CDH13: variants seen among roughly 807,000 people sequenced by gnomAD.
CDH13 encodes the protein cadherin-13.
Under a neutral mutation model 63.8 loss-of-function variants are expected in CDH13, and 24 were observed. The ratio of observed to expected loss-of-function variants is 0.38; its 90% CI spans 0.27 to 0.53. The LOEUF (loss-of-function observed/expected upper bound fraction) is 0.53. CDH13 is among the 20% of genes least tolerant of loss of function. The probability of loss-of-function intolerance (pLI) is 0.85; values close to 1 mark genes in which losing one functional copy is unlikely to be tolerated. For synonymous variants in CDH13, 503 were observed against 355.3 expected (o/e 1.42, Z -4.67); for missense variants, 1,049 against 903.1 (o/e 1.16, Z -2.07).
chr16:83,520,894 A>G (rs577048166), intron 7 of CDH13, among the ~76,000 whole-genome samples: 4 of 152,296 alleles, frequency 2.6e-5, no homozygotes, highest in African/African-American at 7.2e-5. Context: ...TTATTTAAAA[A>G]TCCTTTGAAG....
chr16:82,934,557 G>A (rs1893790090), intron 2 of CDH13, among the ~76,000 whole-genome samples: 1 of 152,176 alleles, frequency 6.6e-6, no homozygotes, highest in Non-Finnish European at 1.5e-5. Context: ...TCTGCAGCAG[G>A]CTTGAATTTC....
rs374046378 is a variant in CDH13 at position 82,743,371 on chromosome 16, G to A, written c.46-114991G>A. On this transcript the variant is annotated intron_variant, in intron 1 of 13. Coordinates refer to ENST00000567109, the MANE Select transcript of CDH13 (RefSeq NM_001257.5). ...GCCTTTTAGGTAGTGGGGCCTACAG[G>A]CGCAGACCACGGCACCTGGCTAATT... is the stretch of plus-strand genomic sequence containing the variant. 3.3e-5 allele frequency among the ~76,000 whole-genome samples: 5 copies of A among 152,214 alleles called. No homozygotes were observed. The East Asian group carries it at 5.8e-4, about 18-fold the overall frequency.
chr16:83,162,285 C>T (rs1455772597), intron 4 of CDH13, among the ~76,000 whole-genome samples: 2 of 152,070 alleles, frequency 1.3e-5, no homozygotes, highest in South Asian at 2.1e-4. Flanking sequence ...AGCATCTTGT[C>T]GTCATCATTG....
intron 8 of CDH13, among the ~76,000 whole-genome samples, chr16:83,652,777 G>C (rs541660540): frequency 6.6e-6 from 1 of 152,274 alleles, no homozygotes; most frequent in African/African-American, 2.4e-5. Flanking sequence ...GTCCCCATAT[G>C]ACCCAGCAGC....
intron 6 of CDH13, among the ~76,000 whole-genome samples, chr16:83,436,596 C>T (rs907846585): frequency 5.3e-5 from 8 of 152,210 alleles, no homozygotes; most frequent in African/African-American, 1.9e-4. Flanking sequence ...ATCTGTTAGC[C>T]TTCCCTGAAC....
intron 5 of CDH13, among the ~76,000 whole-genome samples, chr16:83,294,811 T>G (rs986491770): frequency 6.6e-6 from 1 of 152,104 alleles, no homozygotes; most frequent in Non-Finnish European, 1.5e-5. Context: ...CTACCCAAAA[T>G]GATCCACAGA....
intron 7 of CDH13, among the ~76,000 whole-genome samples, chr16:83,516,599 TATC>T (rs1282724106): frequency 1.3e-5 from 2 of 152,186 alleles, no homozygotes; most frequent in East Asian, 1.9e-4. Context: ...AGAGCTCCCT[TATC>T]ATGTTGAGGA....
intron 1 of CDH13, among the ~76,000 whole-genome samples, chr16:82,687,027 C>T (rs373631409): frequency 1.7e-4 from 26 of 152,284 alleles, no homozygotes; most frequent in Admixed American, 1.0e-3. Flanking sequence ...TCTCTCCCTT[C>T]GTAGATGTAG....
chr16:83,501,263 A>G (rs1269685752), intron 7 of CDH13, among the ~76,000 whole-genome samples: 4 of 152,240 alleles, frequency 2.6e-5, no homozygotes, highest in Non-Finnish European at 4.4e-5. Flanking sequence ...TGACCATTGA[A>G]ATTCAGTGAA....
intron 6 of CDH13, among the ~76,000 whole-genome samples, chr16:83,428,888 A>T (rs985376407): frequency 6.6e-6 from 1 of 152,222 alleles, no homozygotes; most frequent in African/African-American, 2.4e-5. Context: ...TTATTTGTTA[A>T]AATAACTGTT....
chr16:83,191,823 C>T (rs1359802633), intron 4 of CDH13, among the ~76,000 whole-genome samples: 2 of 151,784 alleles, frequency 1.3e-5, no homozygotes, highest in Non-Finnish European at 2.9e-5. Context: ...TAGATGATGC[C>T]CACCCAGATT....
intron 11 of CDH13, among the ~76,000 whole-genome samples, chr16:83,756,086 T>A (rs932929372): frequency 6.6e-5 from 10 of 152,178 alleles, no homozygotes; most frequent in African/African-American, 2.4e-4. Flanking sequence ...CTATATTGTA[T>A]AACCCTTAGG....
intron 1 of CDH13, among the ~76,000 whole-genome samples, chr16:82,679,947 A>G (rs1914362734): frequency 6.6e-6 from 1 of 152,218 alleles, no homozygotes; most frequent in Non-Finnish European, 1.5e-5. Flanking sequence ...CCTTCAGTAT[A>G]TCGTGATCTT....
At chr16:83,449,981 G>A (rs956276692) in intron 6 of CDH13, among the ~76,000 whole-genome samples, 4 of 152,148 alleles carry the variant, frequency 2.6e-5, no homozygotes. Flanking sequence ...ACCGGTCTTC[G>A]CTAGCAGGGC....
intron 5 of CDH13, among the ~76,000 whole-genome samples, chr16:83,302,349 A>C (rs986013782): frequency 6.6e-5 from 10 of 152,218 alleles, no homozygotes; most frequent in African/African-American, 2.4e-4. Context: ...ATTCCATGGC[A>C]ATCAAATCAT....
chr16:82,926,308 G>C (rs1009789941), intron 2 of CDH13, among the ~76,000 whole-genome samples: 1 of 151,786 alleles, frequency 6.6e-6, no homozygotes, highest in African/African-American at 2.4e-5. Context: ...AAAAAAAAAG[G>C]CCAGAAGACC....
chr16:82,973,117 T>C lies in CDH13; in HGVS notation c.158-58893T>C, dbSNP rs1412556162. 4.6e-5 allele frequency among the ~76,000 whole-genome samples: 7 copies of C among 152,240 alleles called. No individual in the cohort carries two copies. The East Asian group carries it at 9.6e-4, about 21-fold the overall frequency. On this transcript the variant is annotated intron_variant, in intron 2 of 13. Transcript: ENST00000567109. ...CTGCCACTCTTCTGGATTGGATTTA[T>C]TTAGAACAATTAAATGCTGTCTTAC...
At chr16:83,116,722 C>A (rs1225563010) in intron 3 of CDH13, among the ~76,000 whole-genome samples, 1 of 152,194 alleles carries the variant, frequency 6.6e-6, no homozygotes, top group African/African-American at 2.4e-5. Flanking sequence ...CTGTAAATTT[C>A]CTAACAATCA....
intron 8 of CDH13, among the ~76,000 whole-genome samples, chr16:83,649,210 G>A (rs1912131312): frequency 6.6e-6 from 1 of 152,242 alleles, no homozygotes; most frequent in Non-Finnish European, 1.5e-5. Context: ...TCTATAAAAT[G>A]TGCCCTTGGC....
Sources: allele counts gnomAD v4.1 joint callset (sites outside exome capture counted in the v4.1 genomes callset), GRCh38; gene constraint gnomAD v4.1.1; transcripts MANE v1.5; gene names NCBI Gene and HGNC (gene_info 2026-07-23, HGNC 2026-07-21).